Variants in KIF21A observed in about 807,000 individuals in gnomAD.
The protein encoded by KIF21A is kinesin-like protein KIF21A.
In KIF21A, 114 loss-of-function variants were observed where a neutral mutation model predicts 202.9. That is an observed-to-expected ratio of 0.56 (90% confidence interval 0.48 to 0.66). The LOEUF (loss-of-function observed/expected upper bound fraction) is 0.66, where lower values mean the gene tolerates loss of function less well. KIF21A is among the 30% of genes least tolerant of loss of function. The pLI, the probability that KIF21A is intolerant of heterozygous loss-of-function variation, is 0.00. For synonymous variants in KIF21A, 667 were observed against 670.8 expected, an observed-to-expected ratio of 0.99 and a Z score of 0.09; for missense variants, 1,677 against 1,994.9, an observed-to-expected ratio of 0.84 and a Z score of 3.04.
rs568264423 is a variant in KIF21A, at chr12:39,326,255, C to G, written c.3401+9G>C. On this transcript the variant is annotated intron_variant, in intron 25 of 37. Transcript: ENST00000361418. ...AAGTCAACTCTATTGTTTCTAAAGG[C>G]CTTCTTACCTTCCTTCTGATCCTGG... is the stretch of plus-strand genomic sequence containing the variant. 1.9e-6 allele frequency: 3 copies of G among 1,588,108 alleles called. No homozygotes were observed. The highest frequency in any genetic ancestry group is 1.7e-5 in the Admixed American group (1 of 59,952).
At chr12:39,358,605 CATTT>C (rs1454410127) in intron 7 of KIF21A, among the ~76,000 whole-genome samples, 3 of 152,192 alleles carry the variant, frequency 2.0e-5, no homozygotes, top group African/African-American at 4.8e-5. Context: ...TAAGCACATA[CATTT>C]ATTTCTTACC....
At chr12:39,367,319 T>C (rs1949668884) in intron 4 of KIF21A, 155 bp from the exon 5 acceptor site, 5 of 740,824 alleles carry the variant, frequency 6.7e-6, no homozygotes, top group Non-Finnish European at 1.2e-5. Flanking sequence ...CTTTTTGAGA[T>C]GGACTTCTCA....
chr12:39,440,834 G>A (rs1046412915), intron 1 of KIF21A, among the ~76,000 whole-genome samples: 3 of 151,984 alleles, frequency 2.0e-5, no homozygotes, highest in Admixed American at 6.6e-5. Flanking sequence ...GGAAACATAG[G>A]GAGGCCCCAT....
chr12:39,407,123 T>C (rs1010442509), intron 1 of KIF21A, among the ~76,000 whole-genome samples: 3 of 152,226 alleles, frequency 2.0e-5, no homozygotes, highest in Non-Finnish European at 2.9e-5. Flanking sequence ...TTCCAGCTCC[T>C]GCATTGTCGA....
intron 37 of KIF21A, among the ~76,000 whole-genome samples, chr12:39,299,482 A>G (rs759290148): frequency 6.6e-6 from 1 of 152,208 alleles, no homozygotes; most frequent in Non-Finnish European, 1.5e-5. Flanking sequence ...GGAAAAAGGG[A>G]ACACTTATAC....
chr12:39,333,853 G>A (rs1946714708), intron 17 of KIF21A, among the ~76,000 whole-genome samples: 1 of 151,720 alleles, frequency 6.6e-6, no homozygotes, highest in African/African-American at 2.4e-5. Context: ...TGACTAATTA[G>A]GATTACTTCA....
At chr12:39,424,395 C>G (rs1954585902) in intron 1 of KIF21A, among the ~76,000 whole-genome samples, 1 of 152,152 alleles carries the variant, frequency 6.6e-6, no homozygotes. Context: ...TAAATTTTCC[C>G]TCTTCATGGA....
At chr12:39,355,091 G>C (rs1948665499) in intron 10 of KIF21A, among the ~76,000 whole-genome samples, 1 of 152,110 alleles carries the variant, frequency 6.6e-6, no homozygotes, top group South Asian at 2.1e-4. Flanking sequence ...TAATTAAAGA[G>C]CCATCAGAGA....
chr12:39,382,398 A>G (rs1433797206), intron 1 of KIF21A, among the ~76,000 whole-genome samples: 1 of 152,214 alleles, frequency 6.6e-6, no homozygotes, highest in Non-Finnish European at 1.5e-5. Context: ...CAGCTCTAAA[A>G]TTATGAAAAT....
chr12:39,339,256 A>C (rs1424490895), intron 16 of KIF21A, among the ~76,000 whole-genome samples: 1 of 148,816 alleles, frequency 6.7e-6, no homozygotes, highest in African/African-American at 2.5e-5. Flanking sequence ...AAAAAAGTGT[A>C]CCATTTTTTT....
At chr12:39,408,977 G>A (rs1286850335) in intron 1 of KIF21A, among the ~76,000 whole-genome samples, 7 of 151,790 alleles carry the variant, frequency 4.6e-5, no homozygotes, top group African/African-American at 1.5e-4. Flanking sequence ...GTGCCACCAC[G>A]CCCAGCTAAT....
At chr12:39,332,487 C>CCAAAA in intron 20 of KIF21A, 79 bp from the exon 21 acceptor site, 1 of 1,492,850 alleles carries the variant, frequency 6.7e-7, no homozygotes, top group Non-Finnish European at 9.3e-7. Flanking sequence ...CCCCACCCCC[C>CCAAAA]AAAAAAAACT....
chr12:39,373,101 G>C (rs1181552045), intron 1 of KIF21A, among the ~76,000 whole-genome samples: 9 of 152,098 alleles, frequency 5.9e-5, no homozygotes, highest in African/African-American at 1.4e-4. Context: ...TCCACACACT[G>C]TAATATGAGT....
rs2136960838 is a variant in KIF21A at position 39,294,307 on chromosome 12, A to G, written c.*117T>C. 2 of 746,092 alleles carry G rather than the reference A, an allele frequency of 2.7e-6. No homozygotes were observed. The highest frequency in any genetic ancestry group is 4.7e-4 in the Middle Eastern group (2 of 4,228). 46.2% of individuals were successfully genotyped at this position (746,092 alleles called of 1,614,324 possible). A position where few individuals can be genotyped will look rare whatever the true frequency, so the allele number is the denominator to read the frequency against. ...TTATAGTCAGCAGTTGAATTCAGAT[A>G]TATTTTCCAGTTAATCCGATTCATA... On this transcript the variant is annotated 3_prime_UTR_variant, in exon 38 of 38. Coordinates refer to ENST00000361418, the MANE Select transcript of KIF21A (RefSeq NM_001173464.2).
rs146248678 is a variant in KIF21A, at chr12:39,429,036, T to G, written c.44+13891A>C. ...TCACTTATAGTTTAAATATAAAGTA[T>G]GTGTGTGTGTGATCAATTATGGGGT... On this transcript the variant is annotated intron_variant, in intron 1 of 37. Coordinates refer to ENST00000361418, the MANE Select transcript of KIF21A (RefSeq NM_001173464.2). 4.1e-3 allele frequency among the ~76,000 whole-genome samples: 624 copies of G among 151,900 alleles called. 1 individual carries two copies. In the Middle Eastern group the frequency reaches 0.048, roughly 12 times the overall value.
chr12:39,311,781 C>G (rs1944057871), intron 31 of KIF21A: 1 of 531,798 alleles, frequency 1.9e-6, no homozygotes, highest in Non-Finnish European at 3.4e-6. Context: ...CTGCAAAGAG[C>G]AAAGACTATA....
chr12:39,341,804 C>T (rs1294275688), intron 13 of KIF21A, among the ~76,000 whole-genome samples, 182 bp from the exon 14 acceptor site: 1 of 152,148 alleles, frequency 6.6e-6, no homozygotes, highest in Admixed American at 6.5e-5. Context: ...TTTCATCTCT[C>T]ATAGTATTCT....
chr12:39,422,122 C>A (rs1954345646), intron 1 of KIF21A, among the ~76,000 whole-genome samples: 2 of 150,954 alleles, frequency 1.3e-5, no homozygotes, highest in Admixed American at 1.3e-4. Flanking sequence ...CCACATCCAG[C>A]TAATTTTTGT....
intron 28 of KIF21A, among the ~76,000 whole-genome samples, chr12:39,318,930 G>T (rs181790830): frequency 1.3e-4 from 19 of 151,520 alleles, no homozygotes; most frequent in African/African-American, 4.4e-4. Context: ...GCAGTGAGCC[G>T]AGATAGCGCC....
Sources: gnomAD v4.1 joint callset for allele counts (sites outside exome capture counted in the v4.1 genomes callset) on GRCh38, gnomAD v4.1.1 for gene constraint, MANE v1.5 for transcripts, NCBI Gene and HGNC (gene_info 2026-07-23, HGNC 2026-07-21) for gene names.